The following ZNF451 variants were observed in gnomAD, a reference collection of about 807,000 sequenced individuals.
ZNF451 encodes zinc finger protein 451, also known as E3 SUMO-protein ligase ZNF451.
In ZNF451, 80 loss-of-function variants were observed where a neutral mutation model predicts 107.1. The observed-to-expected ratio is 0.75, with a 90% confidence interval of 0.62 to 0.90. ZNF451 has a LOEUF of 0.90. Ranked by LOEUF, ZNF451 falls within the 40% of genes least tolerant of loss-of-function variation. The pLI, the probability that ZNF451 is intolerant of heterozygous loss-of-function variation, is 0.00. For missense variants in ZNF451, 1,107 were observed against 1,236.2 expected (o/e 0.90, Z 1.57); for synonymous variants, 362 against 406.5 (o/e 0.89, Z 1.32).
At chr6:57,095,929 T>C (rs1829281632) in intron 2 of ZNF451, among the ~76,000 whole-genome samples, 1 of 151,894 alleles carries the variant, frequency 6.6e-6, no homozygotes, top group Admixed American at 6.6e-5. Context: ...GCTAAAGCGA[T>C]TCTTGTTCTT....
intron 2 of ZNF451, among the ~76,000 whole-genome samples, chr6:57,098,584 A>G (rs981948012): frequency 1.3e-5 from 2 of 152,096 alleles, no homozygotes; most frequent in Non-Finnish European, 2.9e-5. Flanking sequence ...CTGACATTCA[A>G]GGCCTGGTTG....
intron 3 of ZNF451, chr6:57,102,649 A>G (rs1829662351): frequency 1.0e-6 from 1 of 985,436 alleles, no homozygotes; most frequent in Non-Finnish European, 1.2e-6. Context: ...ACTACTATCA[A>G]GCTCTGTGAG....
intron 3 of ZNF451, chr6:57,107,013 TA>T (rs1204339430): frequency 9.1e-5 from 86 of 941,868 alleles, no homozygotes; most frequent in Non-Finnish European, 1.0e-4. Flanking sequence ...ATTAGTGGAA[TA>T]TTTTTTACTT....
At chr6:57,143,352 A>G (rs959325087) in intron 9 of ZNF451, among the ~76,000 whole-genome samples, 1 of 152,038 alleles carries the variant, frequency 6.6e-6, no homozygotes, top group Non-Finnish European at 1.5e-5. Flanking sequence ...GTTTATTTCT[A>G]TAATCTATTT....
At chr6:57,115,226 A>G (rs1397316097) in intron 3 of ZNF451, 1 of 152,214 alleles carries the variant, frequency 6.6e-6, no homozygotes, top group East Asian at 1.9e-4. Context: ...TGGTCACACC[A>G]TTGCACTCTA....
intron 4 of ZNF451, 40 bp downstream of exon 4, chr6:57,124,899 A>G: frequency 7.8e-7 from 1 of 1,284,992 alleles, no homozygotes; most frequent in South Asian, 2.2e-5. Context: ...TAATTAAAAA[A>G]TTATTTATAA....
At chr6:57,142,998 C>CT (rs1001563048) in intron 9 of ZNF451, among the ~76,000 whole-genome samples, 1 of 152,004 alleles carries the variant, frequency 6.6e-6, no homozygotes, top group Non-Finnish European at 1.5e-5. Flanking sequence ...CTGTTCAAGT[C>CT]TTTTGCCAGT....
chr6:57,161,861 C>T (rs932601139), intron 14 of ZNF451, among the ~76,000 whole-genome samples: 1 of 151,954 alleles, frequency 6.6e-6, no homozygotes, highest in African/African-American at 2.4e-5. Flanking sequence ...ACACGCCCAG[C>T]TAAAAATTAA....
At position 57,153,914 on chromosome 6, in the gene ZNF451, A is replaced by C. The variant is rs747034924; in HGVS notation, c.2937A>C (p.Ser979=). The part of the protein sequence containing the change: ...LPKQIPFTIL[S]GDQGFLELEN... ...AGCAAATTCCTTTCACCATCCTCTC[A>C]GGAGATCAAGGTTTTCTGGAGCTAG... The change falls in exon 13 of 15, where the codon TCA becomes TCC. Residue 979 remains serine, a synonymous_variant. Coordinates refer to ENST00000370706, the MANE Select transcript of ZNF451 (RefSeq NM_001031623.3). The C allele has an allele frequency of 6.2e-7, 1 of 1,614,192 alleles. No homozygotes were observed. Among genetic ancestry groups the C allele is most frequent in the South Asian group, 1.1e-5 (1 of 91,086 alleles).
chr6:57,117,947 C>A (rs971549454), intron 3 of ZNF451, among the ~76,000 whole-genome samples: 48 of 152,160 alleles, frequency 3.2e-4, no homozygotes, highest in African/African-American at 1.1e-3. Flanking sequence ...TCTTCCTGTC[C>A]CTAGAATATT....
intron 3 of ZNF451, chr6:57,102,133 A>T (rs953183045): frequency 1.2e-5 from 17 of 1,459,190 alleles, no homozygotes; most frequent in Non-Finnish European, 1.4e-5. Flanking sequence ...GTCATTCAAG[A>T]TCCTAACTAT....
At chr6:57,107,509 A>C (rs528410658) in intron 3 of ZNF451, 7 of 984,650 alleles carry the variant, frequency 7.1e-6, no homozygotes, top group African/African-American at 3.5e-5. Context: ...TCATTTCTAC[A>C]TGTTCACACA....
intron 3 of ZNF451, 200 bp downstream of exon 3, chr6:57,099,341 A>C: frequency 1.5e-6 from 1 of 646,064 alleles, no homozygotes; most frequent in Non-Finnish European, 2.8e-6. Flanking sequence ...TGAGATTATG[A>C]AAAAAATGAT....
intron 7 of ZNF451, among the ~76,000 whole-genome samples, chr6:57,140,494 G>C (rs970157356): frequency 1.3e-5 from 2 of 152,104 alleles, no homozygotes; most frequent in Non-Finnish European, 1.5e-5. Flanking sequence ...TATGTGAATT[G>C]GTAGAGCCTT....
At chr6:57,130,103 G>A (rs540819745) in intron 5 of ZNF451, among the ~76,000 whole-genome samples, 2 of 152,214 alleles carry the variant, frequency 1.3e-5, no homozygotes, top group South Asian at 2.1e-4. Context: ...ACTTTTTAGC[G>A]TCAGTTCCTT....
At chr6:57,108,887 C>T (rs1829991112) in intron 3 of ZNF451, 2 of 985,404 alleles carry the variant, frequency 2.0e-6, no homozygotes, top group African/African-American at 1.7e-5. Flanking sequence ...GCAACTTGCT[C>T]AGGTGGTGGA....
intron 3 of ZNF451, chr6:57,108,636 C>T (rs1052901991): frequency 2.6e-5 from 26 of 985,246 alleles, no homozygotes; most frequent in South Asian, 4.7e-5. Context: ...TGGGACAGAA[C>T]GGCCTGTGTA....
Position 57,158,958 on chromosome 6 carries a change from G to C in ZNF451, c.3071-2126G>C, listed in dbSNP as rs139535067. Reference sequence around the variant, plus strand: ...CATAAACATTCACCTAGGTGCTATGGAAGTGTAGATGATTGAAGCAGCATC... The same window carrying C: ...CATAAACATTCACCTAGGTGCTATGCAAGTGTAGATGATTGAAGCAGCATC... On this transcript the variant is annotated intron_variant, in intron 13 of 14. Coordinates refer to ENST00000370706, the MANE Select transcript of ZNF451 (RefSeq NM_001031623.3). The C allele has an allele frequency of 2.1e-4, 205 of 985,416 alleles. 3 individuals carry two copies. In the East Asian group the frequency reaches 0.02, roughly 95 times the overall value. The allele number at this position is 985,416 out of a possible 1,614,324, so 61.0% of individuals were successfully genotyped here.
rs893263073 is a variant in ZNF451, at chr6:57,170,210, A to C, written c.*1741A>C. 6.6e-6 allele frequency: 1 copy of C among 152,246 alleles called. No individual in the cohort carries two copies. Among genetic ancestry groups the C allele is most frequent in the Non-Finnish European group, 1.5e-5 (1 of 68,038 alleles). 9.4% of individuals were successfully genotyped at this position (152,246 alleles called of 1,614,324 possible). A position where few individuals can be genotyped will look rare whatever the true frequency, so the allele number is the denominator to read the frequency against. The stretch of plus-strand genomic sequence containing the variant: ...AAATCATCTTAAAATTCATACTTTG[A>C]CTTTAATTTAGACACAAGGAGATGT... On this transcript the variant is annotated 3_prime_UTR_variant, in exon 15 of 15. Transcript: ENST00000370706.
Sources: allele counts gnomAD v4.1 joint callset (sites outside exome capture counted in the v4.1 genomes callset), GRCh38; gene constraint gnomAD v4.1.1; transcripts MANE v1.5; gene names NCBI Gene and HGNC (gene_info 2026-07-23, HGNC 2026-07-21).